Variants in PDE4D observed in about 807,000 individuals in gnomAD.
The protein encoded by PDE4D is 3',5'-cyclic-AMP phosphodiesterase 4D.
Under a neutral mutation model 87.4 loss-of-function variants are expected in PDE4D, and 24 were observed. That is an observed-to-expected ratio of 0.27 (90% CI 0.20 to 0.39). The LOEUF is 0.39. Ranked by LOEUF, PDE4D falls within the 10% of genes least tolerant of loss-of-function variation. The pLI, the probability that PDE4D is intolerant of heterozygous loss-of-function variation, is 1.00. For missense variants in PDE4D, 714 were observed against 1,041.0 expected (o/e 0.69, Z 4.32); for synonymous variants, 384 against 383.2 (o/e 1.00, Z -0.02).
At chr5:59,198,684 C>A (rs1249315841) in intron 2 of PDE4D, among the ~76,000 whole-genome samples, 1 of 151,748 alleles carries the variant, frequency 6.6e-6, no homozygotes, top group Non-Finnish European at 1.5e-5. Flanking sequence ...CTTTTTTTTT[C>A]TCACAAGAGA....
chr5:60,303,340 C>G (rs111405484), intron 1 of PDE4D, among the ~76,000 whole-genome samples: 7,926 of 144,922 alleles, frequency 0.055, 747 homozygotes, highest in African/African-American at 0.2. Context: ...CGGGAGTTTC[C>G]CTCTGTCGCC....
At chr5:59,980,252 G>T (rs1761780357) in intron 3 of PDE4D, among the ~76,000 whole-genome samples, 1 of 152,164 alleles carries the variant, frequency 6.6e-6, no homozygotes, top group South Asian at 2.1e-4. Context: ...GGCAGTGTTT[G>T]TTGCAAAGAA....
intron 2 of PDE4D, among the ~76,000 whole-genome samples, chr5:60,052,793 T>C (rs1327706649): frequency 2.6e-5 from 4 of 152,278 alleles, no homozygotes; most frequent in Middle Eastern, 3.4e-3. Context: ...GAAAACCCCA[T>C]TGTCTCAGGC....
At chr5:60,443,551 G>C (rs989100107) in intron 1 of PDE4D, among the ~76,000 whole-genome samples, 7 of 152,124 alleles carry the variant, frequency 4.6e-5, no homozygotes, top group Admixed American at 4.6e-4. Flanking sequence ...GAGTGAAATT[G>C]AGCGGCTTAT....
At chr5:59,375,156 C>G (rs1250847506) in intron 1 of PDE4D, among the ~76,000 whole-genome samples, 1 of 152,080 alleles carries the variant, frequency 6.6e-6, no homozygotes, top group African/African-American at 2.4e-5. Context: ...AATTCCAAAG[C>G]CAGCAGATGA....
intron 2 of PDE4D, among the ~76,000 whole-genome samples, chr5:60,153,727 C>T (rs1781719916): frequency 6.6e-6 from 1 of 151,994 alleles, no homozygotes; most frequent in Admixed American, 6.6e-5. Flanking sequence ...CACGTTTGAA[C>T]CTAGAGGACA....
At chr5:59,045,214 T>C (rs866615854) in intron 5 of PDE4D, among the ~76,000 whole-genome samples, 1 of 152,038 alleles carries the variant, frequency 6.6e-6, no homozygotes, top group Admixed American at 6.6e-5. Flanking sequence ...GTGGGAAGGA[T>C]TTTTAAGAGA....
Position 59,988,459 on chromosome 5 carries a change from A to T in PDE4D, c.272+29T>A, listed in dbSNP as rs7707910. 4.3e-4 allele frequency: 601 copies of T among 1,409,810 alleles called. 3 individuals are homozygous for T. The African/African-American group carries it at 7.0e-3, about 16-fold the overall frequency. 87.3% of individuals were successfully genotyped at this position (1,409,810 alleles called of 1,614,324 possible). On this transcript the variant is annotated intron_variant, in intron 3 of 16. Coordinates refer to the PDE4D transcript ENST00000502484. ...CAACAATCACCATCTAAAATATAAA[A>T]TGGGGAAATGACATCTGAGGGCACT...
At chr5:59,330,239 A>C (rs1776465572) in intron 1 of PDE4D, among the ~76,000 whole-genome samples, 1 of 152,186 alleles carries the variant, frequency 6.6e-6, no homozygotes, top group Admixed American at 6.5e-5. Context: ...AACTCATCTA[A>C]ATTTCTTGAT....
chr5:60,419,847 A>T (rs565855585), intron 1 of PDE4D, among the ~76,000 whole-genome samples: 4 of 152,208 alleles, frequency 2.6e-5, no homozygotes, highest in African/African-American at 4.8e-5. Context: ...CTGCCCACGA[A>T]TGTCCACCTC....
At chr5:58,981,754 G>A (rs530622834) in intron 11 of PDE4D, among the ~76,000 whole-genome samples, 6 of 152,258 alleles carry the variant, frequency 3.9e-5, no homozygotes, top group South Asian at 2.1e-4. Context: ...TGGGGTGACC[G>A]AAACCTTCAT....
intron 1 of PDE4D, among the ~76,000 whole-genome samples, chr5:59,837,370 C>G (rs1017360026): frequency 2.6e-5 from 4 of 152,036 alleles, no homozygotes; most frequent in Admixed American, 2.6e-4. Flanking sequence ...TAGCCTTTAA[C>G]TGTTTTAGGT....
chr5:60,137,214 A>G (rs963840778), intron 2 of PDE4D, among the ~76,000 whole-genome samples: 11 of 152,032 alleles, frequency 7.2e-5, no homozygotes, highest in African/African-American at 2.4e-4. Context: ...TGTCATTGAT[A>G]GGCATTTAGA....
chr5:59,286,063 T>C (rs1428541210), intron 1 of PDE4D, among the ~76,000 whole-genome samples: 1 of 152,184 alleles, frequency 6.6e-6, no homozygotes, highest in Non-Finnish European at 1.5e-5. Context: ...CGTATTTGTA[T>C]CAACCACATG....
chr5:59,111,486 C>T (rs916084130), intron 5 of PDE4D, among the ~76,000 whole-genome samples: 4 of 152,234 alleles, frequency 2.6e-5, no homozygotes, highest in Admixed American at 1.3e-4. Flanking sequence ...TCCCTGGATG[C>T]TTTCTATTGT....
intron 2 of PDE4D, among the ~76,000 whole-genome samples, chr5:60,170,181 A>G (rs925023101): frequency 2.0e-5 from 3 of 152,008 alleles, no homozygotes; most frequent in African/African-American, 7.2e-5. Flanking sequence ...TGGCATATGG[A>G]TGGATAAAAT....
chr5:59,305,424 TA>T (rs1771133160), intron 1 of PDE4D, among the ~76,000 whole-genome samples: 1 of 152,062 alleles, frequency 6.6e-6, no homozygotes, highest in South Asian at 2.1e-4. Flanking sequence ...TGATCTTGAT[TA>T]TTTCCTTTCT....
At chr5:59,637,278 T>A (rs185538085) in intron 1 of PDE4D, among the ~76,000 whole-genome samples, 3 of 152,252 alleles carry the variant, frequency 2.0e-5, no homozygotes, top group African/African-American at 7.2e-5. Context: ...GAAATAGGAA[T>A]GCTTTTACAC....
chr5:59,945,899 C>T (rs1217059143), intron 3 of PDE4D, among the ~76,000 whole-genome samples: 1 of 152,176 alleles, frequency 6.6e-6, no homozygotes, highest in Non-Finnish European at 1.5e-5. Flanking sequence ...AGGCTATTTG[C>T]TCCTGTTGAT....
Sources: gnomAD v4.1 joint callset for allele counts (sites outside exome capture counted in the v4.1 genomes callset) on GRCh38, gnomAD v4.1.1 for gene constraint, MANE v1.5 for transcripts, NCBI Gene and HGNC (gene_info 2026-07-23, HGNC 2026-07-21) for gene names.